Variants in MIS18BP1 observed in about 807,000 individuals in gnomAD.
MIS18BP1 encodes the protein mis18-binding protein 1.
In MIS18BP1, 72 loss-of-function variants were observed where a neutral mutation model predicts 116.1. That is an observed-to-expected ratio of 0.62 (90% CI 0.51 to 0.75). MIS18BP1 has a LOEUF of 0.75. Ranked by LOEUF, MIS18BP1 falls within the 30% of genes least tolerant of loss-of-function variation. The pLI is 0.00. For synonymous variants in MIS18BP1, 386 were observed against 427.0 expected (o/e 0.90, Z 1.18); for missense variants, 1,363 against 1,303.2 (o/e 1.05, Z -0.71).
intron 13 of MIS18BP1, among the ~76,000 whole-genome samples, chr14:45,215,347 C>T (rs1890786307): frequency 6.6e-6 from 1 of 152,170 alleles, no homozygotes; most frequent in Non-Finnish European, 1.5e-5. Context: ...ATGTCTAGCT[C>T]ACTAACACAA....
In MIS18BP1 at chr14:45,227,819, G is replaced by T. The variant is rs1891167953; in HGVS notation, c.1595-5C>A. ...TGTGCTTATTACTCTTCAGTTCTATGAATACAAAGATGGAGATTTCAATAA... is the reference window on the plus strand; with the variant it reads ...TGTGCTTATTACTCTTCAGTTCTATTAATACAAAGATGGAGATTTCAATAA... On this transcript the variant is annotated splice_polypyrimidine_tract_variant and splice_region_variant and intron_variant, in intron 8 of 16. Transcript: ENST00000310806. 1 of 1,610,130 alleles carries T rather than the reference G, an allele frequency of 6.2e-7. No individual in the cohort carries two copies. Among genetic ancestry groups the T allele is most frequent in the African/African-American group, 1.3e-5 (1 of 74,618 alleles).
intron 13 of MIS18BP1, among the ~76,000 whole-genome samples, chr14:45,214,631 G>A (rs998014276): frequency 2.6e-5 from 4 of 152,208 alleles, no homozygotes; most frequent in African/African-American, 4.8e-5. Context: ...TCTTTTCCCA[G>A]TCTGTCGTCC....
Position 45,204,018 on chromosome 14 carries a change from CT to C in MIS18BP1, c.*90del. On this transcript the variant is annotated 3_prime_UTR_variant, in exon 17 of 17. Coordinates refer to ENST00000310806, the MANE Select transcript of MIS18BP1 (RefSeq NM_018353.5). ...AAGTCCACATTTTCATAGGAAGCTA[CT>C]TTACAAAGAAAATACATGTACTCCA... is the stretch of plus-strand genomic sequence containing the variant. 6.7e-7 allele frequency: 1 copy of C among 1,491,186 alleles called. No homozygotes were observed. The highest frequency in any genetic ancestry group is 8.9e-7 in the Non-Finnish European group (1 of 1,122,910). The allele number at this position is 1,491,186 out of a possible 1,614,324, so 92.4% of individuals were successfully genotyped here. A position where few individuals can be genotyped will look rare whatever the true frequency, so the allele number is the denominator to read the frequency against.
In MIS18BP1 at chr14:45,206,169, T is replaced by G; in HGVS notation, c.3154A>C (p.Asn1052His). 3 of 1,581,716 alleles carry G rather than the reference T, an allele frequency of 1.9e-6. No individual in the cohort carries two copies. The highest frequency in any genetic ancestry group is 2.6e-6 in the Non-Finnish European group (3 of 1,155,616). The part of the protein sequence containing the change: ...SPGMLGSINR[N>H]DCDKYVFRMQ... ...CGAAAAACATATTTATCACAGTCAT[T>G]CCTGTTTGAATACGAAATAATTTTA... The change falls in exon 15 of 17, where the codon AAT (asparagine) becomes CAT (histidine). Residue 1052 changes from asparagine to histidine, a missense_variant and splice_region_variant. By Grantham distance (68) the Asn-to-His change is moderately conservative (BLOSUM62 1). Transcript: ENST00000310806.
In MIS18BP1 at chr14:45,246,840, A is replaced by G; in HGVS notation, c.447T>C (p.Thr149=). The G allele has an allele frequency of 6.2e-7, 1 of 1,609,920 alleles. No homozygotes were observed. Among genetic ancestry groups the G allele is most frequent in the South Asian group, 1.1e-5 (1 of 89,944 alleles). ...ATTTTTTTTTTTCAACTCTGTTAGG[A>G]GTGAAGGTTTCATTATTTCCACTTT... The part of the protein sequence containing the change: ...PQKSGNNETF[T]PNRVEKKKLQ... Residue 149 remains threonine, a synonymous_variant, in exon 2 of 17, where the codon ACT becomes ACC. Transcript: ENST00000310806.
chr14:45,227,845 A>G, intron 8 of MIS18BP1, 31 bp from the exon 9 acceptor site: 1 of 1,601,260 alleles, frequency 6.2e-7, no homozygotes, highest in Non-Finnish European at 8.5e-7. Context: ...ATTTCAATAA[A>G]TGGTTATATA....
In MIS18BP1 at chr14:45,246,782, T is replaced by C. The variant is rs1437273286; in HGVS notation, c.505A>G (p.Asn169Asp). The change falls in exon 2 of 17, where the codon AAC becomes GAC. Residue 169 changes from asparagine (N) to aspartate (D), a missense_variant. By Grantham distance (23) the Asn-to-Asp change is conservative. Coordinates refer to ENST00000310806, the MANE Select transcript of MIS18BP1 (RefSeq NM_018353.5). ...TCATCTGACTGGAATGATTTGTTGT[T>C]TTCCTTTTCTTCACATAGGTAGGTA... The part of the protein sequence containing the change: ...QHTYLCEEKE[N>D]NKSFQSDDSS... 7 of 1,578,842 alleles carry C rather than the reference T, an allele frequency of 4.4e-6. No homozygotes were observed. Among genetic ancestry groups the C allele is most frequent in the Non-Finnish European group, 4.3e-6 (5 of 1,170,046 alleles).
chr14:45,242,859 A>T lies in MIS18BP1; in HGVS notation c.560T>A (p.Val187Asp), dbSNP rs1891622048. The T allele has an allele frequency of 1.2e-6, 2 of 1,602,726 alleles. No homozygotes were observed. The highest frequency in any genetic ancestry group is 1.3e-5 in the African/African-American group (1 of 74,236). ...ATCATTATTTGATGATTCTAGAGGA[A>T]CTCCTTGGACTGAGGCTAAGGTTTT... is the stretch of plus-strand genomic sequence containing the variant. ...DSSLRASVQG[V>D]PLESSNNDIF... The change falls in exon 3 of 17, where the codon GTT becomes GAT. Residue 187 changes from valine to aspartate, a missense_variant. Transcript: ENST00000310806.
At chr14:45,216,866 A>G (rs1002799488) in intron 13 of MIS18BP1, among the ~76,000 whole-genome samples, 153 bp downstream of exon 13, 21 of 152,372 alleles carry the variant, frequency 1.4e-4, no homozygotes, top group African/African-American at 4.6e-4. Flanking sequence ...AGAATGGCAT[A>G]TATCAGCACA....
chr14:45,204,462 G>A lies in MIS18BP1; in HGVS notation c.3241-9C>T, dbSNP rs1428438558. 1.9e-6 allele frequency: 3 copies of A among 1,585,050 alleles called. No homozygotes were observed. The African/African-American group carries it at 4.1e-5, about 22-fold the overall frequency. ...GAGAAATCAGTTTCAACCTATAAAA[G>A]AGTTACTATTAATAGCTAAATGGTA... is the stretch of plus-strand genomic sequence containing the variant. On this transcript the variant is annotated splice_polypyrimidine_tract_variant and intron_variant, in intron 15 of 16. Transcript: ENST00000310806.
intron 14 of MIS18BP1, among the ~76,000 whole-genome samples, chr14:45,209,287 C>T (rs931455577): frequency 2.6e-5 from 4 of 151,916 alleles, no homozygotes; most frequent in African/African-American, 9.7e-5. Context: ...TTTAATATAT[C>T]TTAGGCATTT....
At chr14:45,227,937 G>A in intron 8 of MIS18BP1, 123 bp from the exon 9 acceptor site, 1 of 891,072 alleles carries the variant, frequency 1.1e-6, no homozygotes, top group Non-Finnish European at 1.7e-6. Flanking sequence ...AGCACTCTGG[G>A]AGGCCGAGGG....
At position 45,224,614 on chromosome 14, in the gene MIS18BP1, C is replaced by A. The variant is rs372987528; in HGVS notation, c.1973G>T (p.Arg658Ile). The change falls in exon 11 of 17, where the codon AGA (arginine) becomes ATA (isoleucine). Residue 658 changes from arginine to isoleucine, a missense_variant. Transcript: ENST00000310806. ...CATGCATCTTTGCTCTATCACTTTT[C>A]TAGATTTAAGTGGTGTTACTAAAAT... The part of the protein sequence containing the change: ...AYILVTPLKS[R>I]KVIEQRCMRY... 1.2e-6 allele frequency: 2 copies of A among 1,613,682 alleles called. No homozygotes were observed. The highest frequency in any genetic ancestry group is 4.5e-5 in the East Asian group (2 of 44,850).
intron 8 of MIS18BP1, 35 bp downstream of exon 8, chr14:45,231,098 AACTTAACC>A (rs1566814072): frequency 6.3e-7 from 1 of 1,588,686 alleles, no homozygotes; most frequent in East Asian, 2.2e-5. Context: ...ACCATGTAAG[AACTTAACC>A]ACTGTACCAA....
In MIS18BP1 at chr14:45,247,071, T is replaced by G; in HGVS notation, c.216A>C (p.Lys72Asn). 3.1e-6 allele frequency: 5 copies of G among 1,612,946 alleles called. No individual in the cohort carries two copies. Among genetic ancestry groups the G allele is most frequent in the Non-Finnish European group, 4.2e-6 (5 of 1,179,694 alleles). Residue 72 changes from lysine (K) to asparagine (N), a missense_variant, in exon 2 of 17, where the codon AAA becomes AAC. Physicochemically the swap from Lys to Asn is moderately conservative, Grantham distance 94. Coordinates refer to ENST00000310806, the MANE Select transcript of MIS18BP1 (RefSeq NM_018353.5). ...TTAGCATAGTTGATTGAAATATATTTTTATTGTTAAAAGTTGTCATTTTTA... is the reference window on the plus strand; with the variant it reads ...TTAGCATAGTTGATTGAAATATATTGTTATTGTTAAAAGTTGTCATTTTTA... ...QFLKMTTFNNKNIFQSTMLTE... is the reference protein window; with the variant it reads ...QFLKMTTFNNNNIFQSTMLTE...
At position 45,204,137 on chromosome 14, in the gene MIS18BP1, T is replaced by C; in HGVS notation, c.3371A>G (p.Tyr1124Cys). 6.2e-7 allele frequency: 1 copy of C among 1,609,850 alleles called. No individual in the cohort carries two copies. The highest frequency in any genetic ancestry group is 8.5e-7 in the Non-Finnish European group (1 of 1,178,578). Reference sequence around the variant, plus strand: ...TGCAGAATCAGAGTTCGAAAAATAATAATCTTTCTCTTCTTCATCTAAAGA... The same window carrying C: ...TGCAGAATCAGAGTTCGAAAAATAACAATCTTTCTCTTCTTCATCTAAAGA... The part of the protein sequence containing the change: ...VESLDEEEKD[Y>C]YFSNSDSA The change falls in exon 17 of 17, where the codon TAT becomes TGT. Residue 1124 changes from tyrosine (Y) to cysteine (C), a missense_variant. Coordinates refer to ENST00000310806, the MANE Select transcript of MIS18BP1 (RefSeq NM_018353.5).
chr14:45,239,170 C>T (rs1891507418), intron 4 of MIS18BP1, among the ~76,000 whole-genome samples: 1 of 152,128 alleles, frequency 6.6e-6, no homozygotes, highest in South Asian at 2.1e-4. Context: ...TTGAGTTCTA[C>T]ACACTGTTTT....
chr14:45,243,367 T>C (rs964240291), intron 2 of MIS18BP1, among the ~76,000 whole-genome samples: 2 of 152,198 alleles, frequency 1.3e-5, no homozygotes. Context: ...CCATAATTTA[T>C]ATCCTTTAGA....
intron 11 of MIS18BP1, among the ~76,000 whole-genome samples, chr14:45,222,431 A>C (rs1292699236): frequency 6.6e-6 from 1 of 152,202 alleles, no homozygotes; most frequent in Non-Finnish European, 1.5e-5. Context: ...TAACTTCAAC[A>C]GTCTACTTAG....
Sources: gnomAD v4.1 joint callset for allele counts (sites outside exome capture counted in the v4.1 genomes callset) on GRCh38, gnomAD v4.1.1 for gene constraint, MANE v1.5 for transcripts, NCBI Gene and HGNC (gene_info 2026-07-23, HGNC 2026-07-21) for gene names.